LPAR1: variants seen among roughly 807,000 people sequenced by gnomAD.
LPAR1 encodes lysophosphatidic acid receptor 1.
A neutral mutation model predicts 23.8 loss-of-function variants in LPAR1; 5 were observed. The ratio of observed to expected loss-of-function variants is 0.21; its 90% CI spans 0.11 to 0.44. The LOEUF (loss-of-function observed/expected upper bound fraction) is 0.44. Ranked by LOEUF, LPAR1 falls within the 20% of genes least tolerant of loss-of-function variation. LPAR1 has a pLI of 0.99. For synonymous variants in LPAR1, 160 were observed against 164.7 expected, an observed-to-expected ratio of 0.97 and a Z score of 0.22; for missense variants, 311 against 482.8, an observed-to-expected ratio of 0.64 and a Z score of 3.33.
intron 2 of LPAR1, among the ~76,000 whole-genome samples, chr9:111,023,876 T>C (rs1333632082): frequency 1.3e-5 from 2 of 152,224 alleles, no homozygotes; most frequent in Non-Finnish European, 1.5e-5. Flanking sequence ...TTCAAATGTA[T>C]GGACAAACAT....
chr9:110,877,001 G>A (rs140618525), intron 5 of LPAR1, among the ~76,000 whole-genome samples: 1 of 152,318 alleles, frequency 6.6e-6, no homozygotes, highest in African/African-American at 2.4e-5. Context: ...CCCCATATGT[G>A]TAATCAGGCA....
At chr9:110,970,457 G>C (rs1434556738) in intron 4 of LPAR1, among the ~76,000 whole-genome samples, 1 of 152,168 alleles carries the variant, frequency 6.6e-6, no homozygotes, top group Non-Finnish European at 1.5e-5. Context: ...CCACTTACCA[G>C]AAAGAGGAAT....
At chr9:111,037,878 G>A in intron 1 of LPAR1, 1 of 152,296 alleles carries the variant, frequency 6.6e-6, no homozygotes, top group Non-Finnish European at 1.5e-5. Flanking sequence ...CCGGGCGGCT[G>A]CGGCAACTTC....
chr9:110,906,237 C>T (rs1229895468), intron 5 of LPAR1, among the ~76,000 whole-genome samples: 5 of 152,160 alleles, frequency 3.3e-5, no homozygotes, highest in African/African-American at 1.2e-4. Context: ...GACTACATTG[C>T]TGGTCCATTC....
intron 2 of LPAR1, among the ~76,000 whole-genome samples, chr9:110,996,733 TG>T (rs1252238349): frequency 1.3e-5 from 2 of 152,302 alleles, no homozygotes; most frequent in East Asian, 3.9e-4. Flanking sequence ...GGATAAAATG[TG>T]ATGTGTTCAG....
chr9:110,968,577 C>A (rs1035265418), intron 4 of LPAR1, among the ~76,000 whole-genome samples: 18 of 152,182 alleles, frequency 1.2e-4, no homozygotes, highest in African/African-American at 4.1e-4. Flanking sequence ...TCCTCTAAAT[C>A]TTTTCTTGGG....
At chr9:110,892,349 TCTTC>T (rs1224523105) in intron 5 of LPAR1, among the ~76,000 whole-genome samples, 1 of 152,148 alleles carries the variant, frequency 6.6e-6, no homozygotes, top group Non-Finnish European at 1.5e-5. Flanking sequence ...TTTAGTTTCT[TCTTC>T]TAGTTTCCTG....
chr9:110,906,410 A>C (rs2091230829), intron 5 of LPAR1, among the ~76,000 whole-genome samples: 2 of 152,238 alleles, frequency 1.3e-5, no homozygotes, highest in Admixed American at 6.5e-5. Flanking sequence ...TCTTTGGGTG[A>C]AAACTTCTGA....
intron 2 of LPAR1, among the ~76,000 whole-genome samples, chr9:111,027,345 T>C (rs577987627): frequency 6.8e-4 from 103 of 151,880 alleles, no homozygotes; most frequent in African/African-American, 2.4e-3. Flanking sequence ...AATAAATAAA[T>C]AAATAAATAA....
At chr9:110,935,319 G>A (rs1270888101) in intron 5 of LPAR1, among the ~76,000 whole-genome samples, 7 of 151,972 alleles carry the variant, frequency 4.6e-5, no homozygotes, top group South Asian at 2.1e-4. Context: ...TGGGGGTCTC[G>A]GTCTCTTCAT....
intron 2 of LPAR1, among the ~76,000 whole-genome samples, chr9:111,003,795 T>C (rs765345087): frequency 2.0e-5 from 3 of 152,172 alleles, no homozygotes; most frequent in Non-Finnish European, 4.4e-5. Context: ...CCACATATCC[T>C]AGGAATTATT....
chr9:111,013,804 CA>C (rs2097382308), intron 2 of LPAR1, among the ~76,000 whole-genome samples: 1 of 152,222 alleles, frequency 6.6e-6, no homozygotes, highest in Admixed American at 6.5e-5. Context: ...TTCCCTCTTG[CA>C]AACAACTCAA....
rs10980630 is a variant in LPAR1, at chr9:110,912,567, C to T, written c.793+28854G>A. The stretch of plus-strand genomic sequence containing the variant: ...ACAATAAAACCCGTTTTCAGACATT[C>T]GTCATTCTGGGAACATTGAGATTTT... On this transcript the variant is annotated intron_variant, in intron 5 of 5. Coordinates refer to ENST00000683809, the MANE Select transcript of LPAR1 (RefSeq NM_001351411.2). 0.041 allele frequency among the ~76,000 whole-genome samples: 6,248 copies of T among 152,176 alleles called. 957 individuals carry two copies. The East Asian group carries it at 0.57, about 14-fold the overall frequency.
intron 2 of LPAR1, among the ~76,000 whole-genome samples, chr9:110,983,054 T>C (rs540968590): frequency 6.6e-6 from 1 of 152,106 alleles, no homozygotes; most frequent in East Asian, 1.9e-4. Flanking sequence ...AACCCAGCAC[T>C]GCTGGTGGGA....
chr9:110,956,554 C>A (rs1030089896), intron 4 of LPAR1, among the ~76,000 whole-genome samples: 7 of 151,048 alleles, frequency 4.6e-5, no homozygotes, highest in African/African-American at 1.7e-4. Flanking sequence ...GAACTACTAA[C>A]TAGACTAACC....
At chr9:110,989,404 T>A (rs2096853515) in intron 2 of LPAR1, among the ~76,000 whole-genome samples, 1 of 152,314 alleles carries the variant, frequency 6.6e-6, no homozygotes, top group East Asian at 1.9e-4. Flanking sequence ...TGGTATTAAA[T>A]TATACCTCAA....
Position 110,941,907 on chromosome 9 carries a change from A to G in LPAR1, c.307T>C (p.Phe103Leu), listed in dbSNP as rs780099244. 1 of 1,614,228 alleles carries G rather than the reference A, an allele frequency of 6.2e-7. No individual in the cohort carries two copies. The highest frequency in any genetic ancestry group is 2.2e-5 in the East Asian group (1 of 44,882). Residue 103 changes from phenylalanine to leucine, a missense_variant, in exon 5 of 6, where the codon TTC becomes CTC. By Grantham distance (22) the Phe-to-Leu change is conservative. Transcript: ENST00000683809. This position sits in a 1 kb window ranked among gnomAD's most constrained non-coding sequence, Gnocchi z 6.1. ...AADFFAGLAYFYLMFNTGPNT... is the reference protein window; with the variant it reads ...AADFFAGLAYLYLMFNTGPNT... ...GGTCCTGTGTTGAACATGAGATAGA[A>G]GTAGGCCAACCCAGCAAAGAAGTCT... is the stretch of plus-strand genomic sequence containing the variant.
intron 4 of LPAR1, 39 bp downstream of exon 4, chr9:110,972,034 T>TA (rs2096441327): frequency 6.3e-7 from 1 of 1,579,762 alleles, no homozygotes; most frequent in Non-Finnish European, 8.7e-7. Context: ...TTGACAAACT[T>TA]ACGATTACCT....
At chr9:110,989,683 G>C (rs2096858984) in intron 2 of LPAR1, among the ~76,000 whole-genome samples, 2 of 151,948 alleles carry the variant, frequency 1.3e-5, no homozygotes, top group Non-Finnish European at 1.5e-5. Flanking sequence ...CCAAAAAATA[G>C]AACAAATGTG....
Sources: gnomAD v4.1 joint callset for allele counts (sites outside exome capture counted in the v4.1 genomes callset) on GRCh38, gnomAD v4.1.1 for gene constraint, Gnocchi (gnomAD v3.1) non-coding constraint, MANE v1.5 for transcripts, NCBI Gene and HGNC (gene_info 2026-07-23, HGNC 2026-07-21) for gene names.